ODAD2: variants seen among roughly 807,000 people sequenced by gnomAD.
ODAD2 encodes outer dynein arm docking complex subunit 2.
ODAD2 carries 89 observed loss-of-function variants against 106.8 expected under a neutral mutation model. The ratio of observed to expected loss-of-function variants is 0.83; its 90% CI spans 0.70 to 0.99. ODAD2 has a LOEUF of 0.99. Ranked by LOEUF, ODAD2 falls within the 50% of genes least tolerant of loss-of-function variation. The pLI, the probability that ODAD2 is intolerant of heterozygous loss-of-function variation, is 0.00. For synonymous variants in ODAD2, 404 were observed against 436.2 expected, an observed-to-expected ratio of 0.93 and a Z score of 0.92; for missense variants, 1,168 against 1,238.5, an observed-to-expected ratio of 0.94 and a Z score of 0.85.
At chr10:27,861,580 T>C (rs912342262) in intron 18 of ODAD2, among the ~76,000 whole-genome samples, 5 of 152,230 alleles carry the variant, frequency 3.3e-5, no homozygotes, top group African/African-American at 1.2e-4. Context: ...TAGGAATACA[T>C]TGATATCAGT....
chr10:27,873,140 T>G (rs1041708523), intron 17 of ODAD2, among the ~76,000 whole-genome samples: 3 of 150,374 alleles, frequency 2.0e-5, no homozygotes, highest in African/African-American at 7.4e-5. Flanking sequence ...AGTTTATTTG[T>G]GTGGAGGTGT....
At chr10:27,970,007 G>A (rs1848733848) in intron 8 of ODAD2, among the ~76,000 whole-genome samples, 1 of 152,066 alleles carries the variant, frequency 6.6e-6, no homozygotes, top group South Asian at 2.1e-4. Flanking sequence ...TCGGGAGGCT[G>A]AAGCAAGAGA....
At chr10:27,971,363 T>C (rs779465353) in intron 7 of ODAD2, 50 bp from the exon 8 acceptor site, 13 of 1,443,426 alleles carry the variant, frequency 9.0e-6, no homozygotes, top group South Asian at 5.6e-5. Context: ...AATTATCTAG[T>C]GTTCTCTGAA....
At chr10:27,918,888 A>C (rs1844578919) in intron 16 of ODAD2, among the ~76,000 whole-genome samples, 1 of 150,984 alleles carries the variant, frequency 6.6e-6, no homozygotes, top group African/African-American at 2.4e-5. Flanking sequence ...TTCAAAAATT[A>C]ATTATGTATC....
At chr10:27,903,755 G>A (rs12411379) in intron 17 of ODAD2, among the ~76,000 whole-genome samples, 26,297 of 151,964 alleles carry the variant, frequency 0.17, 2,424 homozygotes, top group African/African-American at 0.22. Context: ...CCTCCAGTGC[G>A]GTACCTCCTA....
At chr10:27,950,629 C>A (rs1292082182) in intron 10 of ODAD2, among the ~76,000 whole-genome samples, 4 of 152,086 alleles carry the variant, frequency 2.6e-5, no homozygotes, top group Admixed American at 6.6e-5. Context: ...CTCTGTCGTG[C>A]GGGCTGGAGT....
At chr10:27,873,816 G>A (rs1255944087) in intron 17 of ODAD2, among the ~76,000 whole-genome samples, 1 of 152,182 alleles carries the variant, frequency 6.6e-6, no homozygotes, top group Non-Finnish European at 1.5e-5. Context: ...GTGGTGCTGA[G>A]AAGAATGCAT....
chr10:27,825,525 T>C (rs1388782473), intron 19 of ODAD2, among the ~76,000 whole-genome samples: 2 of 152,208 alleles, frequency 1.3e-5, no homozygotes, highest in Non-Finnish European at 2.9e-5. Context: ...AATGTATATG[T>C]CCTTCCATCA....
chr10:27,903,354 G>T (rs1360007444), intron 17 of ODAD2, among the ~76,000 whole-genome samples: 1 of 152,116 alleles, frequency 6.6e-6, no homozygotes, highest in Non-Finnish European at 1.5e-5. Flanking sequence ...TACTGAATGG[G>T]CAAAAGCTGT....
At chr10:27,823,179 C>T (rs1836747587) in intron 19 of ODAD2, among the ~76,000 whole-genome samples, 1 of 152,068 alleles carries the variant, frequency 6.6e-6, no homozygotes, top group Admixed American at 6.5e-5. Flanking sequence ...TTGGAATGGC[C>T]TCAAGTTGCT....
rs116361961 is a variant in ODAD2, at chr10:27,831,470, G to A, written c.3022-18845C>T. ...AGGCACTACTCAAAGTGCCTTATAA[G>A]ATACTGATTCATTTGAAGTTCTCAG... On this transcript the variant is annotated intron_variant, in intron 19 of 19. Transcript: ENST00000305242. 2.7e-3 allele frequency among the ~76,000 whole-genome samples: 404 copies of A among 152,300 alleles called. 1 individual carries two copies. The highest frequency in any genetic ancestry group is 9.3e-3 in the African/African-American group (385 of 41,560).
At chr10:27,963,545 A>G (rs1345732116) in intron 9 of ODAD2, among the ~76,000 whole-genome samples, 5 of 152,128 alleles carry the variant, frequency 3.3e-5, no homozygotes, top group Non-Finnish European at 5.9e-5. Flanking sequence ...CAAGTCCACA[A>G]TACTTTTCCT....
intron 16 of ODAD2, among the ~76,000 whole-genome samples, chr10:27,910,558 C>G (rs966982188): frequency 6.6e-6 from 1 of 151,960 alleles, no homozygotes; most frequent in Non-Finnish European, 1.5e-5. Context: ...GAGTTCAAGA[C>G]TAGCCCAGGC....
At chr10:27,872,650 G>T (rs1346761181) in intron 17 of ODAD2, among the ~76,000 whole-genome samples, 1 of 152,130 alleles carries the variant, frequency 6.6e-6, no homozygotes, top group Non-Finnish European at 1.5e-5. Context: ...TTATATGCTG[G>T]ATTACGTTTA....
In ODAD2 at chr10:27,812,498, T is replaced by A. The variant is rs769683129; in HGVS notation, c.*14A>T. ...TCATGTAGAATTTGATAGCTTGTAATGTCCATTTAAATTTCAAGTGTATCT... is the reference window on the plus strand; with the variant it reads ...TCATGTAGAATTTGATAGCTTGTAAAGTCCATTTAAATTTCAAGTGTATCT... On this transcript the variant is annotated 3_prime_UTR_variant, in exon 20 of 20. Coordinates refer to ENST00000305242, the MANE Select transcript of ODAD2 (RefSeq NM_018076.5). The A allele has an allele frequency of 6.2e-7, 1 of 1,612,158 alleles. No individual in the cohort carries two copies. The highest frequency in any genetic ancestry group is 8.5e-7 in the Non-Finnish European group (1 of 1,179,164).
intron 7 of ODAD2, among the ~76,000 whole-genome samples, chr10:27,974,475 C>G (rs1265131623): frequency 6.6e-6 from 1 of 152,044 alleles, no homozygotes; most frequent in Non-Finnish European, 1.5e-5. Context: ...CACCATTTAT[C>G]GAATAGGGAG....
chr10:27,967,050 CA>C (rs1564558682), intron 9 of ODAD2, among the ~76,000 whole-genome samples: 1 of 148,498 alleles, frequency 6.7e-6, no homozygotes, highest in Non-Finnish European at 1.5e-5. Context: ...GAGGTGCAGG[CA>C]AAAAAAGGAC....
At chr10:27,989,671 G>A (rs1018518283) in intron 2 of ODAD2, among the ~76,000 whole-genome samples, 2 of 152,130 alleles carry the variant, frequency 1.3e-5, no homozygotes, top group African/African-American at 2.4e-5. Context: ...TAACTTAACA[G>A]AGAAGTCAGA....
At chr10:27,853,863 A>G (rs1839466037) in intron 19 of ODAD2, among the ~76,000 whole-genome samples, 1 of 152,212 alleles carries the variant, frequency 6.6e-6, no homozygotes, top group Non-Finnish European at 1.5e-5. Flanking sequence ...TCAGATATGC[A>G]ACCAAAAACA....
Sources: gnomAD v4.1 joint callset for allele counts (sites outside exome capture counted in the v4.1 genomes callset) on GRCh38, gnomAD v4.1.1 for gene constraint, MANE v1.5 for transcripts, NCBI Gene and HGNC (gene_info 2026-07-23, HGNC 2026-07-21) for gene names.